The following FASTKD1 variants were observed in gnomAD, a reference collection of about 807,000 sequenced individuals.
FASTKD1 encodes the protein FAST kinase domain-containing protein 1, mitochondrial.
Under a neutral mutation model 90.9 loss-of-function variants are expected in FASTKD1, and 94 were observed. The ratio of observed to expected loss-of-function variants is 1.03; its 90% CI spans 0.88 to 1.23. FASTKD1 has a LOEUF of 1.23. FASTKD1 is among the 50% of genes most tolerant of loss of function. FASTKD1 has a pLI of 0.00. For missense variants in FASTKD1, 945 were observed against 993.5 expected (o/e 0.95, Z 0.66); for synonymous variants, 319 against 345.8 (o/e 0.92, Z 0.86).
At chr2:169,546,740 CA>C (rs745553278) in intron 7 of FASTKD1, 36 bp from the exon 8 acceptor site, 3 of 1,557,478 alleles carry the variant, frequency 1.9e-6, no homozygotes, top group Non-Finnish European at 2.6e-6. Context: ...ACATCAGCAA[CA>C]AACCCAAAAT....
intron 7 of FASTKD1, among the ~76,000 whole-genome samples, chr2:169,553,013 C>T (rs1685561075): frequency 6.6e-6 from 1 of 151,882 alleles, no homozygotes; most frequent in African/African-American, 2.4e-5. Flanking sequence ...TCAAGATAAG[C>T]CTGGCCAACA....
At chr2:169,554,122 A>AG (rs57205258) in intron 7 of FASTKD1, among the ~76,000 whole-genome samples, 1 of 148,616 alleles carries the variant, frequency 6.7e-6, no homozygotes, top group East Asian at 2.0e-4. Context: ...AAAAAAAAAA[A>AG]TTAGCCAAGT....
At chr2:169,570,228 GT>G (rs139726462) in intron 2 of FASTKD1, among the ~76,000 whole-genome samples, 2,377 of 152,196 alleles carry the variant, frequency 0.016, 70 homozygotes, top group African/African-American at 0.054. Flanking sequence ...TAACTTTTTT[GT>G]TTTTTCCCCC....
intron 3 of FASTKD1, among the ~76,000 whole-genome samples, chr2:169,565,249 CTTTTTTTT>C (rs71003101): frequency 7.5e-5 from 2 of 26,516 alleles, no homozygotes; most frequent in African/African-American, 2.7e-4. Flanking sequence ...CCACACCAGG[CTTTTTTTT>C]TTTTTTTTTT....
Position 169,546,482 on chromosome 2 carries a change from T to C in FASTKD1, c.1437A>G (p.Leu479=). 1 of 1,614,188 alleles carries C rather than the reference T, an allele frequency of 6.2e-7. No individual in the cohort carries two copies. The highest frequency in any genetic ancestry group is 8.5e-7 in the Non-Finnish European group (1 of 1,180,030). ...GACCATAGTGATCTAATTTTTGAAG[T>C]AGTTTCAGTTGTTTCGCAGTCATAT... ...LDNMTAKQLK[L]LQKLDHYGRQ... is the part of the protein sequence containing the mutation. The change falls in exon 8 of 15, where the codon CTA becomes CTG. Residue 479 remains leucine (L), a synonymous_variant. Coordinates refer to ENST00000453153, the MANE Select transcript of FASTKD1 (RefSeq NM_024622.6).
chr2:169,542,615 C>T (rs1266963289), intron 9 of FASTKD1, among the ~76,000 whole-genome samples: 1 of 152,162 alleles, frequency 6.6e-6, no homozygotes, highest in Non-Finnish European at 1.5e-5. Context: ...CCTGTAATTC[C>T]AGCACTTGGG....
chr2:169,558,751 C>CT (rs1023569975), intron 5 of FASTKD1, among the ~76,000 whole-genome samples: 4 of 150,170 alleles, frequency 2.7e-5, no homozygotes, highest in East Asian at 2.0e-4. Context: ...ACACCCGGCC[C>CT]TTTTTTTTTG....
In FASTKD1 at chr2:169,546,579, T is replaced by C. The variant is rs756463759; in HGVS notation, c.1340A>G (p.Asp447Gly). Residue 447 changes from aspartate (D) to glycine (G), a missense_variant, in exon 8 of 15, where the codon GAC becomes GGC. Physicochemically the swap from Asp to Gly is moderately conservative, Grantham distance 94. Transcript: ENST00000453153. The part of the protein sequence containing the change: ...SRIEAVLPQC[D>G]LNNLSSFATS... Reference sequence around the variant, plus strand: ...GGCAAAACTACTCAGGTTATTTAGGTCACACTGTGGTAAAACGGCTTCAAT... The same window carrying C: ...GGCAAAACTACTCAGGTTATTTAGGCCACACTGTGGTAAAACGGCTTCAAT... 1 of 1,614,178 alleles carries C rather than the reference T, an allele frequency of 6.2e-7. No individual in the cohort carries two copies. Among genetic ancestry groups the C allele is most frequent in the South Asian group, 1.1e-5 (1 of 91,086 alleles).
intron 9 of FASTKD1, among the ~76,000 whole-genome samples, chr2:169,540,640 T>C (rs1684922190): frequency 6.6e-6 from 1 of 152,220 alleles, no homozygotes; most frequent in African/African-American, 2.4e-5. Flanking sequence ...ACTTTAGATA[T>C]ATTAACTCAC....
chr2:169,556,943 G>A (rs1295810922), intron 6 of FASTKD1, among the ~76,000 whole-genome samples: 1 of 152,036 alleles, frequency 6.6e-6, no homozygotes, highest in East Asian at 1.9e-4. Context: ...GGAAGCAGAG[G>A]TTGCAGTAAG....
rs757767157 is a variant in FASTKD1 at position 169,557,348 on chromosome 2, G to C, written c.972-51C>G. On this transcript the variant is annotated intron_variant, in intron 5 of 14. Coordinates refer to ENST00000453153, the MANE Select transcript of FASTKD1 (RefSeq NM_024622.6). The stretch of plus-strand genomic sequence containing the variant: ...TGGTTGAAAGACTGAAAATTAGCTT[G>C]CAATTTTTTTTAAATAACAGTTCTT... 23 of 1,038,446 alleles carry C rather than the reference G, an allele frequency of 2.2e-5. 1 individual carries two copies. The South Asian group carries it at 3.2e-4, about 14-fold the overall frequency. 64.3% of individuals were successfully genotyped at this position (1,038,446 alleles called of 1,614,324 possible).
intron 8 of FASTKD1, among the ~76,000 whole-genome samples, chr2:169,545,782 T>C (rs892666868): frequency 7.2e-5 from 11 of 152,236 alleles, no homozygotes; most frequent in African/African-American, 2.2e-4. Flanking sequence ...TACTCCACTG[T>C]CCTAACATGA....
rs763332008 is a variant in FASTKD1, at chr2:169,530,687, A to C, written c.2342T>G (p.Phe781Cys). 9 of 1,591,044 alleles carry C rather than the reference A, an allele frequency of 5.7e-6. No homozygotes were observed. Among genetic ancestry groups the C allele is most frequent in the Non-Finnish European group, 6.0e-6 (7 of 1,166,656 alleles). The change falls in exon 14 of 15, where the codon TTT (phenylalanine) becomes TGT (cysteine). Residue 781 changes from phenylalanine (F) to cysteine (C), a missense_variant. Physicochemically the swap from Phe to Cys is radical, Grantham distance 205 (BLOSUM62 -2). Transcript: ENST00000453153. Reference protein sequence around the residue: ...PPGAERIALEFLDSKALCRNI... With the variant: ...PPGAERIALECLDSKALCRNI... ...TCTACAAAGTGCTTTTGAATCCAAAAATTCCAAAGCAATCCTACATAAAAT... is the reference window on the plus strand; with the variant it reads ...TCTACAAAGTGCTTTTGAATCCAAACATTCCAAAGCAATCCTACATAAAAT...
In FASTKD1 at chr2:169,546,327, A is replaced by G. The variant is rs764177625; in HGVS notation, c.1592T>C (p.Ile531Thr). ...IATLQHFMDDINYINVGEIAS... is the reference protein window; with the variant it reads ...IATLQHFMDDTNYINVGEIAS... ...AATCTCCCCAACATTTATGTAATTAATATCATCCATGAAATGCTGTAAAGT... is the reference window on the plus strand; with the variant it reads ...AATCTCCCCAACATTTATGTAATTAGTATCATCCATGAAATGCTGTAAAGT... The change falls in exon 8 of 15, where the codon ATT becomes ACT. Residue 531 changes from isoleucine (I) to threonine (T), a missense_variant. Coordinates refer to ENST00000453153, the MANE Select transcript of FASTKD1 (RefSeq NM_024622.6). The G allele has an allele frequency of 1.1e-5, 17 of 1,613,960 alleles. No homozygotes were observed. Among genetic ancestry groups the G allele is most frequent in the Non-Finnish European group, 8.5e-7 (1 of 1,179,992 alleles).
chr2:169,540,028 T>C (rs1288513013), intron 10 of FASTKD1, 23 bp downstream of exon 10: 10 of 1,426,206 alleles, frequency 7.0e-6, no homozygotes, highest in Middle Eastern at 1.9e-4. Context: ...GATAATTAAA[T>C]AAATTAAAAG....
chr2:169,571,823 T>C lies in FASTKD1; in HGVS notation c.207A>G (p.Gly69=). ...GCTTCCAAAGCATATCAAATGCACA[T>C]CCCACTTGCTTTTCTGAAAGTATGG... ...NKAILSEKQV[G]CAFDMLWKLQ... Residue 69 remains glycine (G), a synonymous_variant, in exon 2 of 15, where the codon GGA becomes GGG. Transcript: ENST00000453153. 5 of 1,614,066 alleles carry C rather than the reference T, an allele frequency of 3.1e-6. No individual in the cohort carries two copies. Among genetic ancestry groups the C allele is most frequent in the Admixed American group, 1.7e-5 (1 of 60,020 alleles).
Position 169,557,317 on chromosome 2 carries a change from AGTTTTTGGTTG to A in FASTKD1, c.972-31_972-21del. 1 of 1,429,076 alleles carries A rather than the reference AGTTTTTGGTTG, an allele frequency of 7.0e-7. No individual in the cohort carries two copies. The highest frequency in any genetic ancestry group is 9.6e-7 in the Non-Finnish European group (1 of 1,045,620). The allele number at this position is 1,429,076 out of a possible 1,614,324, so 88.5% of individuals were successfully genotyped here. On this transcript the variant is annotated intron_variant, in intron 5 of 14. Transcript: ENST00000453153. The stretch of plus-strand genomic sequence containing the variant: ...TTAAGTCTAGAAGCAAAAAAAAAAA[AGTTTTTGGTTG>A]AAAGACTGAAAATTAGCTTGCAATT...
chr2:169,555,342 G>A, intron 6 of FASTKD1, 87 bp from the exon 7 acceptor site: 2 of 1,136,070 alleles, frequency 1.8e-6, no homozygotes, highest in Non-Finnish European at 2.5e-6. Context: ...ACTCCGTTCT[G>A]TGCTGGAGAA....
intron 9 of FASTKD1, among the ~76,000 whole-genome samples, chr2:169,544,081 G>A (rs533294369): frequency 4.2e-4 from 64 of 152,296 alleles, no homozygotes; most frequent in Middle Eastern, 6.8e-3. Flanking sequence ...GTATGCTAAA[G>A]TAATTAGGGA....
Sources: allele counts gnomAD v4.1 joint callset (sites outside exome capture counted in the v4.1 genomes callset), GRCh38; gene constraint gnomAD v4.1.1; transcripts MANE v1.5; gene names NCBI Gene and HGNC (gene_info 2026-07-23, HGNC 2026-07-21).